DMD: variants seen among roughly 807,000 people sequenced by gnomAD.
DMD encodes dystrophin, also known as mutant dystrophin.
A neutral mutation model predicts 330.1 loss-of-function variants in DMD; 63 were observed. The observed-to-expected ratio is 0.19, with a 90% CI of 0.16 to 0.24. The LOEUF is 0.24. Ranked by LOEUF, DMD falls within the 10% of genes least tolerant of loss-of-function variation. The pLI is 1.00. For synonymous variants in DMD, 1,223 were observed against 959.8 expected (o/e 1.27, Z -5.07); for missense variants, 3,344 against 2,684.1 (o/e 1.25, Z -5.43).
intron 15 of DMD, among the ~76,000 whole-genome samples, chrX:32,572,267 G>C (rs1427512454): frequency 9.0e-6 from 1 of 111,585 alleles, no homozygotes; most frequent in Admixed American, 9.6e-5. Flanking sequence ...TAAATAGCTG[G>C]TAAAATGGTA....
intron 43 of DMD, among the ~76,000 whole-genome samples, chrX:32,252,805 AAT>A (rs1346669552): frequency 1.6e-5 from 1 of 63,306 alleles, no homozygotes; most frequent in Non-Finnish European, 2.6e-5. Context: ...TATATATATA[AAT>A]ATATATAAGT....
chrX:32,322,807 A>G (rs1164656659), intron 41 of DMD, among the ~76,000 whole-genome samples: 3 of 111,608 alleles, frequency 2.7e-5, no homozygotes, highest in Non-Finnish European at 3.8e-5. Context: ...CTGGAAGACA[A>G]TTGTTCATAA....
chrX:33,328,012 T>C (rs2054113743), intron 1 of DMD, among the ~76,000 whole-genome samples: 1 of 111,965 alleles, frequency 8.9e-6, no homozygotes, highest in Non-Finnish European at 1.9e-5. Flanking sequence ...AAAGAAAGTA[T>C]TGTAAAATTT....
At chrX:32,015,506 G>A (rs1224818177) in intron 44 of DMD, among the ~76,000 whole-genome samples, 1 of 111,521 alleles carries the variant, frequency 9.0e-6, no homozygotes, top group Non-Finnish European at 1.9e-5. Flanking sequence ...CTGGAATGGG[G>A]CCCATGCAGG....
At chrX:32,872,180 T>A in intron 2 of DMD, among the ~76,000 whole-genome samples, 1 of 111,392 alleles carries the variant, frequency 9.0e-6, no homozygotes, top group Non-Finnish European at 1.9e-5. Flanking sequence ...GTGACTTAAG[T>A]CCCTTTAAAT....
At chrX:31,745,528 A>G (rs2087754135) in intron 51 of DMD, among the ~76,000 whole-genome samples, 2 of 112,101 alleles carry the variant, frequency 1.8e-5, no homozygotes, top group Non-Finnish European at 3.8e-5. Context: ...AGCCTCTTGT[A>G]TCTCCTCTTT....
At chrX:32,105,611 C>A (rs1357264210) in intron 44 of DMD, among the ~76,000 whole-genome samples, 1 of 111,676 alleles carries the variant, frequency 9.0e-6, no homozygotes, top group Non-Finnish European at 1.9e-5. Flanking sequence ...GTTTAATATG[C>A]ATTATTATTC....
chrX:32,299,541 C>A (rs1034781091), intron 42 of DMD, among the ~76,000 whole-genome samples: 1 of 107,202 alleles, frequency 9.3e-6, no homozygotes. Context: ...CCCTTACTGA[C>A]TTTGTATCTT....
chrX:33,014,200 C>T (rs1001222047), intron 2 of DMD, among the ~76,000 whole-genome samples: 6 of 111,416 alleles, frequency 5.4e-5, no homozygotes, highest in South Asian at 3.7e-4. Flanking sequence ...AGGCCAACAT[C>T]CTACTCCCTT....
intron 32 of DMD, 31 bp downstream of exon 32, chrX:32,389,470 T>C (rs1301870200): frequency 8.3e-7 from 1 of 1,199,793 alleles, no homozygotes; most frequent in African/African-American, 1.8e-5. Flanking sequence ...AGTCAAGGGG[T>C]ACCTGCGTAT....
chrX:31,121,993 G>A (rs890711609), intron 78 of DMD, 63 bp from the exon 79 acceptor site: 9 of 874,090 alleles, frequency 1.0e-5, no homozygotes, highest in Non-Finnish European at 1.3e-5. Flanking sequence ...GCATCACTCT[G>A]TTTCTTTGCC....
intron 47 of DMD, among the ~76,000 whole-genome samples, chrX:31,894,363 T>A (rs2094301711): frequency 9.0e-6 from 1 of 111,562 alleles, no homozygotes; most frequent in African/African-American, 3.3e-5. Flanking sequence ...CCCATGGGCT[T>A]TGCGAGTGGG....
At chrX:32,069,918 T>A (rs2096284346) in intron 44 of DMD, among the ~76,000 whole-genome samples, 1 of 111,759 alleles carries the variant, frequency 8.9e-6, no homozygotes, top group Non-Finnish European at 1.9e-5. Flanking sequence ...ATTTTCACCC[T>A]AAATTGACAA....
At chrX:32,861,685 T>C (rs1199160081) in intron 2 of DMD, among the ~76,000 whole-genome samples, 1 of 111,314 alleles carries the variant, frequency 9.0e-6, no homozygotes, top group East Asian at 2.8e-4. Flanking sequence ...TGATATTGGG[T>C]GATGGAATTT....
chrX:31,168,500 A>G (rs1168928960), intron 74 of DMD, among the ~76,000 whole-genome samples: 3 of 111,574 alleles, frequency 2.7e-5, no homozygotes, highest in Non-Finnish European at 3.8e-5. Context: ...GCAGGAAGCA[A>G]TGGAAGAGTG....
intron 44 of DMD, among the ~76,000 whole-genome samples, chrX:32,009,612 T>A (rs1409689270): frequency 9.0e-6 from 1 of 111,709 alleles, no homozygotes; most frequent in Admixed American, 9.5e-5. Context: ...GTTAATACAA[T>A]TAATGCATTT....
intron 43 of DMD, among the ~76,000 whole-genome samples, chrX:32,241,975 G>T (rs149643262): frequency 0.032 from 3,577 of 111,101 alleles, 138 homozygotes; most frequent in African/African-American, 0.11. Flanking sequence ...CAACCCAGCC[G>T]GTTCTATACA....
chrX:31,951,123 A>G (rs1376922341), intron 45 of DMD, among the ~76,000 whole-genome samples: 1 of 60,910 alleles, frequency 1.6e-5, no homozygotes, highest in Admixed American at 1.7e-4. Context: ...ATATATATAC[A>G]TATATATATA....
At chrX:32,440,309 T>C (rs1342168165) in intron 28 of DMD, among the ~76,000 whole-genome samples, 3 of 111,748 alleles carry the variant, frequency 2.7e-5, no homozygotes, top group Admixed American at 1.9e-4. Flanking sequence ...TTCATTGTAC[T>C]TTAATATCTT....
Sources: allele counts gnomAD v4.1 joint callset (sites outside exome capture counted in the v4.1 genomes callset), GRCh38; gene constraint gnomAD v4.1.1; transcripts MANE v1.5; gene names NCBI Gene and HGNC (gene_info 2026-07-23, HGNC 2026-07-21).